Variants in RBFOX1 observed in about 807,000 individuals in gnomAD.
The protein encoded by RBFOX1 is RNA binding fox-1 homolog 1.
RBFOX1 carries 8 observed loss-of-function variants against 57.7 expected under a neutral mutation model. The ratio of observed to expected loss-of-function variants is 0.14; its 90% confidence interval spans 0.08 to 0.25. The LOEUF (loss-of-function observed/expected upper bound fraction) is 0.25, where lower values mean the gene tolerates loss of function less well. Among genes scored for constraint, RBFOX1 ranks in the 10% least tolerant of loss-of-function variants. The probability of loss-of-function intolerance (pLI) is 1.00; values close to 1 mark genes in which losing one functional copy is unlikely to be tolerated. For missense variants in RBFOX1, 611 were observed against 548.5 expected (o/e 1.11, Z -1.14); for synonymous variants, 326 against 222.4 (o/e 1.47, Z -4.15).
At chr16:6,410,505 G>T in intron 2 of RBFOX1, among the ~76,000 whole-genome samples, 1 of 151,772 alleles carries the variant, frequency 6.6e-6, no homozygotes, top group Admixed American at 6.6e-5. Flanking sequence ...TAGAGACGGG[G>T]TTTCACCGTG....
chr16:7,338,334 G>C (rs1475771643), intron 4 of RBFOX1, among the ~76,000 whole-genome samples: 1 of 152,052 alleles, frequency 6.6e-6, no homozygotes, highest in Admixed American at 6.6e-5. Context: ...GCAGAAAAAT[G>C]CCAATGTATG....
At chr16:7,631,419 C>G (rs1350752296) in intron 11 of RBFOX1, among the ~76,000 whole-genome samples, 2 of 152,176 alleles carry the variant, frequency 1.3e-5, no homozygotes, top group Admixed American at 6.5e-5. Flanking sequence ...GATGCCCTAT[C>G]CTCACCCCAA....
At chr16:7,400,114 C>T (rs2098216080) in intron 4 of RBFOX1, among the ~76,000 whole-genome samples, 1 of 152,130 alleles carries the variant, frequency 6.6e-6, no homozygotes, top group Non-Finnish European at 1.5e-5. Flanking sequence ...GAAAGTGGCA[C>T]AGTTGGTATC....
intron 2 of RBFOX1, among the ~76,000 whole-genome samples, chr16:6,446,368 G>C (rs2094485920): frequency 1.3e-5 from 2 of 152,128 alleles, no homozygotes; most frequent in African/African-American, 4.8e-5. Context: ...GATTCCCATT[G>C]CATCTTCAAA....
chr16:7,180,953 T>C (rs537669272), intron 4 of RBFOX1, among the ~76,000 whole-genome samples: 48 of 152,244 alleles, frequency 3.2e-4, no homozygotes, highest in Admixed American at 5.9e-4. Context: ...GTGTCACAAC[T>C]ACTCAGCTTT....
intron 2 of RBFOX1, among the ~76,000 whole-genome samples, chr16:5,484,915 A>G (rs1279891904): frequency 3.3e-5 from 5 of 151,576 alleles, no homozygotes; most frequent in African/African-American, 1.2e-4. Flanking sequence ...AAAATTTAGC[A>G]GGGCATTGTG....
intron 2 of RBFOX1, among the ~76,000 whole-genome samples, chr16:6,388,901 T>C (rs1247099440): frequency 1.3e-5 from 2 of 151,740 alleles, no homozygotes; most frequent in African/African-American, 2.4e-5. Flanking sequence ...AAGCAGAGAG[T>C]AGAATGGCGG....
intron 4 of RBFOX1, among the ~76,000 whole-genome samples, chr16:7,262,341 C>T (rs867451327): frequency 5.3e-5 from 8 of 151,734 alleles, no homozygotes; most frequent in Non-Finnish European, 7.4e-5. Context: ...ATGGGAAAAC[C>T]AATCATGTAC....
chr16:6,151,684 A>T (rs12443812), intron 1 of RBFOX1, among the ~76,000 whole-genome samples: 24,543 of 152,206 alleles, frequency 0.16, 2,440 homozygotes, highest in Non-Finnish European at 0.22. Context: ...TTGTTAGAAG[A>T]GGGGGAGGTA....
At chr16:6,381,674 C>T (rs1449826997) in intron 2 of RBFOX1, among the ~76,000 whole-genome samples, 1 of 152,206 alleles carries the variant, frequency 6.6e-6, no homozygotes, top group African/African-American at 2.4e-5. Flanking sequence ...GATGAGTTTG[C>T]TTCTGTCATG....
chr16:5,397,840 A>T (rs2066603598), intron 1 of RBFOX1, among the ~76,000 whole-genome samples: 1 of 152,212 alleles, frequency 6.6e-6, no homozygotes, highest in Non-Finnish European at 1.5e-5. Flanking sequence ...TGGTTGTTTT[A>T]AAGCCACTTA....
intron 3 of RBFOX1, among the ~76,000 whole-genome samples, chr16:5,867,090 C>T (rs1374589509): frequency 6.6e-6 from 1 of 151,938 alleles, no homozygotes; most frequent in Non-Finnish European, 1.5e-5. Context: ...TTATCCTATT[C>T]ACCTTATTAA....
intron 3 of RBFOX1, among the ~76,000 whole-genome samples, chr16:6,769,705 A>G (rs1018535732): frequency 6.6e-6 from 1 of 152,168 alleles, no homozygotes; most frequent in Non-Finnish European, 1.5e-5. Context: ...GATGTAGGAT[A>G]AGCTTCTGTG....
At chr16:6,125,783 C>T (rs1381471628) in intron 1 of RBFOX1, among the ~76,000 whole-genome samples, 1 of 152,120 alleles carries the variant, frequency 6.6e-6, no homozygotes, top group Non-Finnish European at 1.5e-5. Flanking sequence ...GATGTTCTCA[C>T]AGATCAGTGG....
chr16:6,774,452 A>G (rs2078987894), intron 3 of RBFOX1, among the ~76,000 whole-genome samples: 1 of 152,154 alleles, frequency 6.6e-6, no homozygotes, highest in African/African-American at 2.4e-5. Flanking sequence ...AGCAAATTAA[A>G]TATCAACAAC....
At chr16:6,339,648 T>C (rs534275020) in intron 2 of RBFOX1, among the ~76,000 whole-genome samples, 24 of 130,586 alleles carry the variant, frequency 1.8e-4, no homozygotes, top group African/African-American at 6.1e-4. Context: ...GATTCCTTTA[T>C]TTTTTATTTT....
At chr16:5,266,055 C>A (rs1406600242) in intron 1 of RBFOX1, among the ~76,000 whole-genome samples, 1 of 145,498 alleles carries the variant, frequency 6.9e-6, no homozygotes, top group African/African-American at 2.6e-5. Context: ...AAAAAAAAAA[C>A]TCTGGATTTT....
intron 3 of RBFOX1, among the ~76,000 whole-genome samples, chr16:5,849,557 C>T (rs1368178253): frequency 6.6e-6 from 1 of 152,082 alleles, no homozygotes; most frequent in East Asian, 1.9e-4. Context: ...ATTTCCATCC[C>T]ACATGGTTCT....
At chr16:6,625,093 A>C (rs1057472908) in intron 2 of RBFOX1, among the ~76,000 whole-genome samples, 2 of 133,294 alleles carry the variant, frequency 1.5e-5, no homozygotes, top group Non-Finnish European at 3.1e-5. Flanking sequence ...TTAACCTGGG[A>C]GGCAAAAGTT....
Sources: allele counts gnomAD v4.1 joint callset (sites outside exome capture counted in the v4.1 genomes callset), GRCh38; gene constraint gnomAD v4.1.1; transcripts MANE v1.5; gene names NCBI Gene and HGNC (gene_info 2026-07-23, HGNC 2026-07-21).